Variants in SIDT1 observed in about 807,000 individuals in gnomAD.
SIDT1 encodes the protein SID1 transmembrane family, member 1.
Under a neutral mutation model 107.5 loss-of-function variants are expected in SIDT1, and 101 were observed. That is an observed-to-expected ratio of 0.94 (90% CI 0.80 to 1.11). SIDT1 has a LOEUF of 1.11. Among genes scored for constraint, SIDT1 ranks in the 50% least tolerant of loss-of-function variants. The pLI, the probability that SIDT1 is intolerant of heterozygous loss-of-function variation, is 0.00. For synonymous variants in SIDT1, 395 were observed against 398.2 expected (o/e 0.99, Z 0.10); for missense variants, 1,076 against 1,058.2 (o/e 1.02, Z -0.23).
intron 3 of SIDT1, among the ~76,000 whole-genome samples, chr3:113,569,379 T>G (rs1461164615): frequency 6.6e-6 from 1 of 152,160 alleles, no homozygotes; most frequent in African/African-American, 2.4e-5. Context: ...AAGTTAATTT[T>G]TTAAAAAATC....
chr3:113,562,775 A>G (rs1941547462), intron 1 of SIDT1, among the ~76,000 whole-genome samples: 1 of 152,224 alleles, frequency 6.6e-6, no homozygotes. Flanking sequence ...AGAATTAGAC[A>G]TTGGTGATGG....
Position 113,604,893 on chromosome 3 carries a change from T to C in SIDT1, c.1338-17T>C. ...TCATTTGAAAATAAGCATTTCTGGTTCTTTCTGCCTGCATAGGAACATCAT... is the reference window on the plus strand; with the variant it reads ...TCATTTGAAAATAAGCATTTCTGGTCCTTTCTGCCTGCATAGGAACATCAT... On this transcript the variant is annotated splice_polypyrimidine_tract_variant and intron_variant, in intron 13 of 24. Coordinates refer to ENST00000264852, the MANE Select transcript of SIDT1 (RefSeq NM_017699.3). 1.2e-6 allele frequency: 2 copies of C among 1,614,044 alleles called. No individual in the cohort carries two copies. Among genetic ancestry groups the C allele is most frequent in the South Asian group, 2.2e-5 (2 of 91,080 alleles).
intron 6 of SIDT1, 87 bp from the exon 7 acceptor site, chr3:113,583,322 C>T (rs565702759): frequency 3.2e-6 from 3 of 946,262 alleles, no homozygotes; most frequent in Admixed American, 4.3e-5. Context: ...CTTCTCTTTC[C>T]TCTTTCTTTC....
intron 3 of SIDT1, 109 bp downstream of exon 3, chr3:113,567,819 G>C: frequency 8.5e-7 from 1 of 1,177,252 alleles, no homozygotes; most frequent in Non-Finnish European, 1.2e-6. Flanking sequence ...TATCCACTTA[G>C]CATATGATTT....
intron 19 of SIDT1, among the ~76,000 whole-genome samples, chr3:113,614,686 A>G (rs1271472278): frequency 6.6e-6 from 1 of 152,234 alleles, no homozygotes; most frequent in Non-Finnish European, 1.5e-5. Context: ...ACATTTCATC[A>G]TTAGCTCTCA....
intron 1 of SIDT1, among the ~76,000 whole-genome samples, chr3:113,556,586 C>G (rs980253299): frequency 4.2e-4 from 64 of 152,234 alleles, no homozygotes; most frequent in African/African-American, 1.5e-3. Flanking sequence ...TGTATTTGAC[C>G]AAACAGAGAT....
intron 8 of SIDT1, 93 bp downstream of exon 8, chr3:113,584,862 T>C (rs575880607): frequency 3.2e-5 from 31 of 958,064 alleles, no homozygotes; most frequent in Non-Finnish European, 4.6e-5. Flanking sequence ...CAGAGAGAAT[T>C]GTCATAAGAA....
At chr3:113,626,897 C>G (rs755784435) in intron 24 of SIDT1, among the ~76,000 whole-genome samples, 3 of 152,164 alleles carry the variant, frequency 2.0e-5, no homozygotes, top group Non-Finnish European at 4.4e-5. Context: ...CTACTAGATG[C>G]CCGGGCTCCA....
intron 20 of SIDT1, 65 bp downstream of exon 20, chr3:113,616,241 G>A: frequency 7.7e-7 from 1 of 1,292,500 alleles, no homozygotes; most frequent in Non-Finnish European, 1.1e-6. Context: ...AGGAGGAACA[G>A]GCTTGGGGCA....
intron 1 of SIDT1, among the ~76,000 whole-genome samples, chr3:113,556,881 A>G (rs1032563127): frequency 7.3e-6 from 1 of 136,428 alleles, no homozygotes; most frequent in African/African-American, 2.8e-5. Context: ...GTGCAGTGGC[A>G]GGATCTCGCC....
rs1940808212 is a variant in SIDT1 at position 113,555,896 on chromosome 3, T to C, written c.223-10524T>C. ...CGGGGTGATTGGGCTTATAAGTGTG[T>C]CTCCACACACAGGAAACAGACAGTC... On this transcript the variant is annotated intron_variant, in intron 1 of 24. Coordinates refer to ENST00000264852, the MANE Select transcript of SIDT1 (RefSeq NM_017699.3). Among the ~76,000 whole-genome samples, 7 of 150,806 alleles carry C rather than the reference T, an allele frequency of 4.6e-5. No individual in the cohort carries two copies. In the South Asian group the frequency reaches 1.5e-3, roughly 32 times the overall value.
chr3:113,616,220 AG>A (rs1360344665), intron 20 of SIDT1, 44 bp downstream of exon 20: 1 of 1,454,236 alleles, frequency 6.9e-7, no homozygotes, highest in Admixed American at 1.7e-5. Context: ...CCCAGAAAGC[AG>A]GGGAATAGTA....
chr3:113,548,870 C>T (rs941355153), intron 1 of SIDT1, among the ~76,000 whole-genome samples: 3 of 152,072 alleles, frequency 2.0e-5, no homozygotes, highest in African/African-American at 7.2e-5. Context: ...TCTTCATTTC[C>T]TCATGAGGAT....
chr3:113,613,004 G>A (rs889996193), intron 19 of SIDT1, among the ~76,000 whole-genome samples: 2 of 152,178 alleles, frequency 1.3e-5, no homozygotes, highest in Non-Finnish European at 2.9e-5. Flanking sequence ...ATGAAAGGAG[G>A]GAAGAAGGGA....
In SIDT1 at chr3:113,603,917, A is replaced by G. The variant is rs776845068; in HGVS notation, c.1264-43A>G. On this transcript the variant is annotated intron_variant, in intron 12 of 24. Coordinates refer to ENST00000264852, the MANE Select transcript of SIDT1 (RefSeq NM_017699.3). ...TTGCCTTTGTATCTCATGCATAAAG[A>G]GCTGAGTACAGTTTTGCATTCTCTT... 1.0e-5 allele frequency: 14 copies of G among 1,354,076 alleles called. No homozygotes were observed. The Admixed American group carries it at 2.3e-4, about 22-fold the overall frequency. The allele number at this position is 1,354,076 out of a possible 1,614,324, so 83.9% of individuals were successfully genotyped here. A position where few individuals can be genotyped will look rare whatever the true frequency, so the allele number is the denominator to read the frequency against.
chr3:113,588,079 T>C (rs1469718857), intron 9 of SIDT1, among the ~76,000 whole-genome samples: 3 of 152,220 alleles, frequency 2.0e-5, no homozygotes, highest in Non-Finnish European at 4.4e-5. Flanking sequence ...AGTTAGCTAG[T>C]ATAGTTAACA....
At chr3:113,566,652 A>T in intron 2 of SIDT1, 111 bp downstream of exon 2, 8 of 1,233,270 alleles carry the variant, frequency 6.5e-6, no homozygotes, top group African/African-American at 1.5e-5. Context: ...TTGGAATGTC[A>T]AGACATTCTG....
intron 9 of SIDT1, 55 bp from the exon 10 acceptor site, chr3:113,592,950 G>A: frequency 2.2e-6 from 3 of 1,359,082 alleles, no homozygotes; most frequent in East Asian, 2.3e-5. Context: ...AGGAACAAAT[G>A]TAAAATGCTG....
At position 113,628,570 on chromosome 3, in the gene SIDT1, G is replaced by A. The variant is rs964491822; in HGVS notation, c.*862G>A. 1 of 152,662 alleles carries A rather than the reference G, an allele frequency of 6.6e-6. No individual in the cohort carries two copies. Among genetic ancestry groups the A allele is most frequent in the Non-Finnish European group, 1.5e-5 (1 of 68,138 alleles). 9.5% of individuals were successfully genotyped at this position (152,662 alleles called of 1,614,324 possible). A position where few individuals can be genotyped will look rare whatever the true frequency, so the allele number is the denominator to read the frequency against. ...AAATGACTAACCATACTAAAAGACT[G>A]GTAACAGCAGCAGCAGCCAGACAGG... On this transcript the variant is annotated 3_prime_UTR_variant, in exon 25 of 25. Transcript: ENST00000264852.
Sources: gnomAD v4.1 joint callset for allele counts (sites outside exome capture counted in the v4.1 genomes callset) on GRCh38, gnomAD v4.1.1 for gene constraint, MANE v1.5 for transcripts, NCBI Gene and HGNC (gene_info 2026-07-23, HGNC 2026-07-21) for gene names.